CLTCL1: variants seen among roughly 807,000 people sequenced by gnomAD.
CLTCL1 encodes the protein clathrin heavy chain like 1, also known as clathrin heavy chain 2.
In CLTCL1, 159 loss-of-function variants were observed where a neutral mutation model predicts 190.0. The ratio of observed to expected loss-of-function variants is 0.84; its 90% CI spans 0.74 to 0.95. The LOEUF (loss-of-function observed/expected upper bound fraction) is 0.95, where lower values mean the gene tolerates loss of function less well. Ranked by LOEUF, CLTCL1 falls within the 40% of genes least tolerant of loss-of-function variation. The pLI is 0.00. For synonymous variants in CLTCL1, 752 were observed against 769.6 expected (o/e 0.98, Z 0.38); for missense variants, 1,878 against 2,033.4 (o/e 0.92, Z 1.47).
chr22:19,249,307 C>A (rs576310169), intron 3 of CLTCL1, among the ~76,000 whole-genome samples: 1 of 151,704 alleles, frequency 6.6e-6, no homozygotes, highest in Non-Finnish European at 1.5e-5. Flanking sequence ...TGCAGTGAGC[C>A]GAGATTGTGC....
At position 19,196,437 on chromosome 22, in the gene CLTCL1, G is replaced by A. The variant is rs143358242; in HGVS notation, c.4042-22C>T. On this transcript the variant is annotated intron_variant, in intron 25 of 32. Coordinates refer to ENST00000427926, the MANE Select transcript of CLTCL1 (RefSeq NM_007098.4). ...GCACCTGGACAAGGAGGTCAGGGTC[G>A]GCTTGTGCTGCACGTGGCCACGGCT... 4.2e-4 allele frequency: 674 copies of A among 1,614,002 alleles called. 3 individuals carry two copies. The African/African-American group carries it at 7.2e-3, about 17-fold the overall frequency.
Position 19,242,879 on chromosome 22 carries a change from G to T in CLTCL1, c.577C>A (p.Pro193Thr). ...LYSVDRKVSQ[P>T]IEGHAAAFAE... ...AAAGCCGCAGCATGGCCTTCTATGG[G>T]TTGTGAAACCTTCCTATCCACAGAG... Residue 193 changes from proline (P) to threonine (T), a missense_variant, in exon 4 of 33, where the codon CCC (proline) becomes ACC (threonine). By Grantham distance (38) the Pro-to-Thr change is conservative. Transcript: ENST00000427926. 8 of 1,613,966 alleles carry T rather than the reference G, an allele frequency of 5.0e-6. No homozygotes were observed. The highest frequency in any genetic ancestry group is 6.8e-6 in the Non-Finnish European group (8 of 1,179,874).
chr22:19,216,206 G>C lies in CLTCL1; in HGVS notation c.2970C>G (p.Val990=). 1 of 1,613,944 alleles carries C rather than the reference G, an allele frequency of 6.2e-7. No homozygotes were observed. The highest frequency in any genetic ancestry group is 8.5e-7 in the Non-Finnish European group (1 of 1,179,828). ...SETRDPEEIS[V]TVKAFMTADL... is the part of the protein sequence containing the mutation. The stretch of plus-strand genomic sequence containing the variant: ...CGGCTGTCATAAAGGCTTTGACAGT[G>C]ACCGAAATCTCTTCAGGATCCCGTG... The change falls in exon 19 of 33, where the codon GTC becomes GTG. Residue 990 remains valine (V), a synonymous_variant. Transcript: ENST00000427926.
chr22:19,262,119 G>A (rs180843885), intron 2 of CLTCL1, among the ~76,000 whole-genome samples: 69 of 151,890 alleles, frequency 4.5e-4, no homozygotes, highest in Middle Eastern at 3.4e-3. Flanking sequence ...TCCACCTCCC[G>A]GATTCAAGCG....
At chr22:19,185,380 G>A (rs2084281456) in intron 29 of CLTCL1, among the ~76,000 whole-genome samples, 1 of 150,388 alleles carries the variant, frequency 6.6e-6, no homozygotes, top group African/African-American at 2.4e-5. Context: ...AGGCTGGAGT[G>A]CAGTGGCGTG....
At position 19,219,658 on chromosome 22, in the gene CLTCL1, A is replaced by G. The variant is rs190424214; in HGVS notation, c.2919+227T>C. Among the ~76,000 whole-genome samples the G allele has an allele frequency of 5.9e-5, 9 of 151,528 alleles. No individual in the cohort carries two copies. In the East Asian group the frequency reaches 1.4e-3, roughly 23 times the overall value. ...GCCACCATGTGCGGCTAATTTTTGT[A>G]TTTTTAGTGGAGATGGGGTTTCACC... is the stretch of plus-strand genomic sequence containing the variant. On this transcript the variant is annotated intron_variant, in intron 18 of 32. Transcript: ENST00000427926.
intron 26 of CLTCL1, 56 bp from the exon 27 acceptor site, chr22:19,191,491 G>A (rs1467278093): frequency 8.2e-6 from 13 of 1,594,254 alleles, no homozygotes; most frequent in East Asian, 2.2e-5. Flanking sequence ...ATACCCCAGG[G>A]CTCCTTCCAG....
At chr22:19,239,212 T>A (rs1363724166) in intron 5 of CLTCL1, 63 bp downstream of exon 5, 4 of 1,294,956 alleles carry the variant, frequency 3.1e-6, no homozygotes, top group Non-Finnish European at 4.5e-6. Flanking sequence ...GCCTCCTGTA[T>A]CTTGGGAGGT....
At chr22:19,240,514 G>A (rs997549854) in intron 4 of CLTCL1, among the ~76,000 whole-genome samples, 58 of 152,142 alleles carry the variant, frequency 3.8e-4, no homozygotes, top group African/African-American at 1.3e-3. Flanking sequence ...GAGGCTGAGC[G>A]GCAAGCATGT....
chr22:19,180,022 C>G, intron 32 of CLTCL1, 53 bp from the exon 33 acceptor site: 1 of 613,720 alleles, frequency 1.6e-6, no homozygotes, highest in Non-Finnish European at 2.9e-6. Context: ...CATGGGGGTC[C>G]TCTCCTGGCT....
At chr22:19,212,510 G>A (rs957913370) in intron 19 of CLTCL1, among the ~76,000 whole-genome samples, 2 of 151,218 alleles carry the variant, frequency 1.3e-5, no homozygotes, top group African/African-American at 2.4e-5. Flanking sequence ...GCAGTGAGCC[G>A]TGTTCATGCC....
At chr22:19,285,013 C>T (rs1376278525) in intron 1 of CLTCL1, among the ~76,000 whole-genome samples, 1 of 151,942 alleles carries the variant, frequency 6.6e-6, no homozygotes, top group African/African-American at 2.4e-5. Context: ...CGGTGGCTCA[C>T]GCCTGTAATC....
Position 19,206,674 on chromosome 22 carries a change from C to T in CLTCL1, c.3600+1480G>A, listed in dbSNP as rs138131417. Among the ~76,000 whole-genome samples the T allele has an allele frequency of 1.8e-3, 270 of 152,138 alleles. 1 individual carries two copies. The highest frequency in any genetic ancestry group is 1.7e-3 in the Non-Finnish European group (118 of 68,008). Reference sequence around the variant, plus strand: ...CTGGTCTTGAACTCCTGTGCCCAAACGATTCTCGCACTTCGGCCTCCCAAA... The same window carrying T: ...CTGGTCTTGAACTCCTGTGCCCAAATGATTCTCGCACTTCGGCCTCCCAAA... On this transcript the variant is annotated intron_variant, in intron 22 of 32. Coordinates refer to ENST00000427926, the MANE Select transcript of CLTCL1 (RefSeq NM_007098.4).
chr22:19,232,726 GT>G, intron 9 of CLTCL1, 128 bp from the exon 10 acceptor site: 1 of 1,192,268 alleles, frequency 8.4e-7, no homozygotes, highest in Non-Finnish European at 1.2e-6. Flanking sequence ...TCATGTGTAG[GT>G]ACCACCTTCT....
intron 22 of CLTCL1, among the ~76,000 whole-genome samples, chr22:19,205,928 TG>T (rs1278898270): frequency 1.2e-5 from 1 of 86,150 alleles, no homozygotes; most frequent in East Asian, 4.7e-4. Flanking sequence ...TTCCAACCAT[TG>T]TTTTTTTTTT....
chr22:19,201,478 A>G lies in CLTCL1; in HGVS notation c.3616T>C (p.Tyr1206His). The G allele has an allele frequency of 3.1e-6, 5 of 1,613,332 alleles. No homozygotes were observed. Among genetic ancestry groups the G allele is most frequent in the Non-Finnish European group, 4.2e-6 (5 of 1,179,438 alleles). Residue 1206 changes from tyrosine (Y) to histidine (H), a missense_variant, in exon 23 of 33, where the codon TAC becomes CAC. By Grantham distance (83) the Tyr-to-His change is moderately conservative. Coordinates refer to ENST00000427926, the MANE Select transcript of CLTCL1 (RefSeq NM_007098.4). ...AHIQQVGDRCYEEGMYEAAKL... is the reference protein window; with the variant it reads ...AHIQQVGDRCHEEGMYEAAKL... ...GCAGCCTCGTACATTCCCTCCTCGTAACAGCGGTCTCCAACCTACGGATAA... is the reference window on the plus strand; with the variant it reads ...GCAGCCTCGTACATTCCCTCCTCGTGACAGCGGTCTCCAACCTACGGATAA...
intron 2 of CLTCL1, among the ~76,000 whole-genome samples, chr22:19,267,807 A>G (rs2087168315): frequency 6.6e-6 from 1 of 152,028 alleles, no homozygotes; most frequent in Non-Finnish European, 1.5e-5. Flanking sequence ...AGGCAGGAGA[A>G]TCGCTTGAAC....
chr22:19,274,300 A>C (rs1555982046), intron 2 of CLTCL1, among the ~76,000 whole-genome samples: 1 of 152,112 alleles, frequency 6.6e-6, no homozygotes, highest in Admixed American at 6.6e-5. Context: ...CCTTCTCTAC[A>C]AATATTTTTT....
chr22:19,227,318 TG>T, intron 11 of CLTCL1, among the ~76,000 whole-genome samples: 1 of 150,648 alleles, frequency 6.6e-6, no homozygotes, highest in South Asian at 2.1e-4. Context: ...CTCACTCTGT[TG>T]CCCAGGCGAA....
Sources: gnomAD v4.1 joint callset for allele counts (sites outside exome capture counted in the v4.1 genomes callset) on GRCh38, gnomAD v4.1.1 for gene constraint, MANE v1.5 for transcripts, NCBI Gene and HGNC (gene_info 2026-07-23, HGNC 2026-07-21) for gene names.